Variants in MANBA observed in about 807,000 individuals in gnomAD.
The protein encoded by MANBA is mannosidase beta.
In MANBA, 83 loss-of-function variants were observed where a neutral mutation model predicts 111.1. The observed-to-expected ratio is 0.75, with a 90% CI of 0.63 to 0.90. The LOEUF is 0.90. Ranked by LOEUF, MANBA falls within the 40% of genes least tolerant of loss-of-function variation. The probability of loss-of-function intolerance (pLI) is 0.00; values close to 1 mark genes in which losing one functional copy is unlikely to be tolerated. For missense variants in MANBA, 1,036 were observed against 1,069.0 expected (o/e 0.97, Z 0.43); for synonymous variants, 370 against 378.7 (o/e 0.98, Z 0.27).
intron 14 of MANBA, among the ~76,000 whole-genome samples, chr4:102,638,965 C>A (rs1729749558): frequency 6.6e-6 from 1 of 152,196 alleles, no homozygotes; most frequent in Non-Finnish European, 1.5e-5. Flanking sequence ...TGTGGCCTTG[C>A]CTCGTTTTTG....
rs188070689 is a variant in MANBA, at chr4:102,734,129, T to C, written c.178-7446A>G. 2.1e-3 allele frequency among the ~76,000 whole-genome samples: 325 copies of C among 152,326 alleles called. 2 individuals carry two copies. The highest frequency in any genetic ancestry group is 3.5e-3 in the Non-Finnish European group (240 of 68,030). ...TTTGACTGATAAAGATGTGTCAATG[T>C]CTGTTCATTGATTCTAACAAATGTA... is the stretch of plus-strand genomic sequence containing the variant. On this transcript the variant is annotated intron_variant, in intron 1 of 16. Coordinates refer to ENST00000647097, the MANE Select transcript of MANBA (RefSeq NM_005908.4).
At chr4:102,717,192 G>A (rs1398377339) in intron 4 of MANBA, among the ~76,000 whole-genome samples, 2 of 152,100 alleles carry the variant, frequency 1.3e-5, no homozygotes, top group South Asian at 2.1e-4. Flanking sequence ...CAGGCTGGGA[G>A]TACTTCAATA....
At chr4:102,756,542 C>T (rs575018126) in intron 1 of MANBA, among the ~76,000 whole-genome samples, 22 of 151,798 alleles carry the variant, frequency 1.4e-4, no homozygotes, top group Middle Eastern at 3.4e-3. Context: ...AACGGGTCAA[C>T]GGGTGCAGCA....
chr4:102,650,687 C>T lies in MANBA; in HGVS notation c.1719G>A (p.Glu573=). ...AAAACTTGCTATTGAAAGACCAGTC[C>T]TCTGTAGACGAGACCTTTCAAATAA... The part of the protein sequence containing the change: ...FSTLEKVSST[E]DWSFNSKFSL... Residue 573 remains glutamate (E), a synonymous_variant, in exon 13 of 17, where the codon GAG becomes GAA. Transcript: ENST00000647097. 1 of 1,612,668 alleles carries T rather than the reference C, an allele frequency of 6.2e-7. No homozygotes were observed. The highest frequency in any genetic ancestry group is 8.5e-7 in the Non-Finnish European group (1 of 1,178,796).
Position 102,669,059 on chromosome 4 carries a change from C to A in MANBA, c.1231-10G>T. The A allele has an allele frequency of 1.3e-6, 2 of 1,595,540 alleles. No individual in the cohort carries two copies. Among genetic ancestry groups the A allele is most frequent in the South Asian group, 2.2e-5 (2 of 90,246 alleles). On this transcript the variant is annotated splice_polypyrimidine_tract_variant and intron_variant, in intron 9 of 16. Coordinates refer to ENST00000647097, the MANE Select transcript of MANBA (RefSeq NM_005908.4). ...TAAAATCCTGCCATACCTAGCAAAT[C>A]AAATAAAAGGGAATGCAACACTTCC...
Position 102,723,871 on chromosome 4 carries a change from G to A in MANBA, c.369C>T (p.Phe123=). The A allele has an allele frequency of 6.4e-7, 1 of 1,572,866 alleles. No individual in the cohort carries two copies. Among genetic ancestry groups the A allele is most frequent in the Non-Finnish European group, 8.7e-7 (1 of 1,143,814 alleles). The change falls in exon 3 of 17, where the codon TTC becomes TTT. Residue 123 remains phenylalanine, a synonymous_variant. Coordinates refer to ENST00000647097, the MANE Select transcript of MANBA (RefSeq NM_005908.4). Reference sequence around the variant, plus strand: ...GTCATTATATACTTACATATCTATTGAACATATTGTCTGTTTCCCCAATAG... The same window carrying A: ...GTCATTATATACTTACATATCTATTAAACATATTGTCTGTTTCCCCAATAG... The part of the protein sequence containing the change: ...EVTIGETDNM[F]NRYSFDITNV...
chr4:102,729,300 C>A, intron 1 of MANBA: 2 of 754,034 alleles, frequency 2.7e-6, no homozygotes, highest in Non-Finnish European at 4.9e-6. Flanking sequence ...TCCCAGCCAG[C>A]ATCTGCAGCT....
At chr4:102,755,125 A>C (rs943682155) in intron 1 of MANBA, among the ~76,000 whole-genome samples, 1 of 152,162 alleles carries the variant, frequency 6.6e-6, no homozygotes. Flanking sequence ...AACTACTTTA[A>C]AGTTCATATG....
intron 1 of MANBA, among the ~76,000 whole-genome samples, chr4:102,751,206 T>C (rs1452508991): frequency 1.3e-5 from 2 of 152,200 alleles, no homozygotes; most frequent in Non-Finnish European, 2.9e-5. Flanking sequence ...GGAGACTCCA[T>C]AGACAGACTC....
chr4:102,693,649 C>A (rs1221682563), intron 5 of MANBA, among the ~76,000 whole-genome samples: 1 of 152,146 alleles, frequency 6.6e-6, no homozygotes, highest in Non-Finnish European at 1.5e-5. Context: ...AGCAGACTAA[C>A]TTAATAGTCA....
chr4:102,709,931 T>C (rs1189497339), intron 5 of MANBA, among the ~76,000 whole-genome samples: 3 of 152,160 alleles, frequency 2.0e-5, no homozygotes, highest in Non-Finnish European at 4.4e-5. Context: ...TCTCAACAGA[T>C]GCAGAAAAAG....
At chr4:102,760,620 A>G in intron 1 of MANBA, 98 bp downstream of exon 1, 1 of 1,290,418 alleles carries the variant, frequency 7.7e-7, no homozygotes. Flanking sequence ...ACCGACGAGA[A>G]TGGCCCAGAG....
In MANBA at chr4:102,664,693, C is replaced by T. The variant is rs561172083; in HGVS notation, c.1477G>A (p.Val493Ile). The T allele has an allele frequency of 8.1e-6, 13 of 1,612,092 alleles. No homozygotes were observed. The highest frequency in any genetic ancestry group is 2.2e-5 in the East Asian group (1 of 44,878). The stretch of plus-strand genomic sequence containing the variant: ...TAAAAATCATTACTTACTGCCAGTA[C>T]GAGCTCTCTGATGTTTTTCACATAG... ...TLYVKNIREL[V>I]LAGDKSRPFI... is the part of the protein sequence containing the mutation. Residue 493 changes from valine to isoleucine, a missense_variant, in exon 11 of 17, where the codon GTA (valine) becomes ATA (isoleucine). By Grantham distance (29) the Val-to-Ile change is conservative. Transcript: ENST00000647097.
chr4:102,633,573 A>G (rs1480400842), intron 16 of MANBA: 1 of 397,294 alleles, frequency 2.5e-6, no homozygotes. Flanking sequence ...ACATTAACTA[A>G]CAGTATTATT....
intron 11 of MANBA, among the ~76,000 whole-genome samples, chr4:102,659,346 T>A (rs899634437): frequency 1.3e-5 from 2 of 152,226 alleles, no homozygotes; most frequent in Non-Finnish European, 2.9e-5. Context: ...AGAGATAGAC[T>A]TCCAGAAAAT....
intron 7 of MANBA, among the ~76,000 whole-genome samples, chr4:102,682,463 C>G (rs1732030454): frequency 6.6e-6 from 1 of 152,036 alleles, no homozygotes; most frequent in Admixed American, 6.6e-5. Flanking sequence ...CTCCCAAGGC[C>G]CACCTGGAGA....
chr4:102,725,267 T>C (rs1722749631), intron 2 of MANBA, among the ~76,000 whole-genome samples: 1 of 152,178 alleles, frequency 6.6e-6, no homozygotes, highest in Admixed American at 6.5e-5. Context: ...ATCAATAAAG[T>C]ATTTTTTTTA....
Position 102,632,825 on chromosome 4 carries a change from C to A in MANBA, c.2416-544G>T, listed in dbSNP as rs552743057. Reference sequence around the variant, plus strand: ...ATTTTTTTTACATGTGTGAATTCCACAAAATAGCAGCAAAAAGAGACAGTG... The same window carrying A: ...ATTTTTTTTACATGTGTGAATTCCAAAAAATAGCAGCAAAAAGAGACAGTG... On this transcript the variant is annotated intron_variant, in intron 16 of 16. Coordinates refer to ENST00000647097, the MANE Select transcript of MANBA (RefSeq NM_005908.4). Among the ~76,000 whole-genome samples the A allele has an allele frequency of 5.3e-5, 8 of 152,296 alleles. No individual in the cohort carries two copies. The South Asian group carries it at 1.7e-3, about 32-fold the overall frequency.
chr4:102,635,813 G>T, intron 15 of MANBA, 52 bp downstream of exon 15: 1 of 1,545,866 alleles, frequency 6.5e-7, no homozygotes, highest in East Asian at 2.2e-5. Context: ...AACAACTAAA[G>T]AAATCATCTA....
Sources: allele counts gnomAD v4.1 joint callset (sites outside exome capture counted in the v4.1 genomes callset), GRCh38; gene constraint gnomAD v4.1.1; transcripts MANE v1.5; gene names NCBI Gene and HGNC (gene_info 2026-07-23, HGNC 2026-07-21).